The following PAPPA2 variants were observed in gnomAD, a reference collection of about 807,000 sequenced individuals.
The protein encoded by PAPPA2 is pappalysin 2, also known as pappalysin-2.
In PAPPA2, 86 loss-of-function variants were observed where a neutral mutation model predicts 176.4. That is an observed-to-expected ratio of 0.49 (90% CI 0.41 to 0.58). The LOEUF (loss-of-function observed/expected upper bound fraction) is 0.58. PAPPA2 is among the 20% of genes least tolerant of loss of function. The pLI, the probability that PAPPA2 is intolerant of heterozygous loss-of-function variation, is 0.00. For synonymous variants in PAPPA2, 809 were observed against 852.2 expected (o/e 0.95, Z 0.88); for missense variants, 2,073 against 2,256.9 (o/e 0.92, Z 1.65).
At chr1:176,625,022 T>A (rs1285002609) in intron 3 of PAPPA2, among the ~76,000 whole-genome samples, 1 of 152,148 alleles carries the variant, frequency 6.6e-6, no homozygotes, top group Non-Finnish European at 1.5e-5. Flanking sequence ...GGGGTCTACA[T>A]TGTGGGCGAT....
At chr1:176,614,272 T>A (rs1655088948) in intron 3 of PAPPA2, among the ~76,000 whole-genome samples, 1 of 152,182 alleles carries the variant, frequency 6.6e-6, no homozygotes, top group Non-Finnish European at 1.5e-5. Context: ...AAGTGTCAAA[T>A]GGAGATCAGA....
intron 3 of PAPPA2, among the ~76,000 whole-genome samples, chr1:176,667,733 C>G (rs1383780483): frequency 6.6e-6 from 1 of 152,104 alleles, no homozygotes; most frequent in Non-Finnish European, 1.5e-5. Context: ...TTTCTACATG[C>G]CAATTTTTGA....
chr1:176,843,153 G>C lies in PAPPA2; in HGVS notation c.*699G>C, dbSNP rs533046107. On this transcript the variant is annotated 3_prime_UTR_variant, in exon 23 of 23. Coordinates refer to ENST00000367662, the MANE Select transcript of PAPPA2 (RefSeq NM_020318.3). ...TATTTTCCCATCTTTCTATGGATGC[G>C]GATTGGCAGGTTGAATGGGAAGTAC... is the stretch of plus-strand genomic sequence containing the variant. 1 of 152,050 alleles carries C rather than the reference G, an allele frequency of 6.6e-6. No individual in the cohort carries two copies. The highest frequency in any genetic ancestry group is 1.5e-5 in the Non-Finnish European group (1 of 68,010). 9.4% of individuals were successfully genotyped at this position (152,050 alleles called of 1,614,324 possible).
chr1:176,506,001 G>T (rs1648240939), intron 1 of PAPPA2, among the ~76,000 whole-genome samples: 1 of 152,028 alleles, frequency 6.6e-6, no homozygotes, highest in African/African-American at 2.4e-5. Context: ...AGAACTTGGG[G>T]CATCTTGGAT....
chr1:176,755,707 G>C (rs1351197538), intron 14 of PAPPA2, among the ~76,000 whole-genome samples: 1 of 152,156 alleles, frequency 6.6e-6, no homozygotes, highest in East Asian at 1.9e-4. Context: ...AAAGCATTTA[G>C]AGTTGACGCT....
At chr1:176,628,343 A>C (rs1673070407) in intron 3 of PAPPA2, among the ~76,000 whole-genome samples, 1 of 152,206 alleles carries the variant, frequency 6.6e-6, no homozygotes, top group South Asian at 2.1e-4. Context: ...ACTGGGACAT[A>C]GTAGGCTCTC....
chr1:176,755,459 G>A (rs889332928), intron 14 of PAPPA2, among the ~76,000 whole-genome samples: 2 of 152,132 alleles, frequency 1.3e-5, no homozygotes, highest in African/African-American at 2.4e-5. Context: ...ACTTCATCAC[G>A]GGGCTGTATT....
At chr1:176,466,902 A>G (rs1327507536) in intron 1 of PAPPA2, among the ~76,000 whole-genome samples, 1 of 152,222 alleles carries the variant, frequency 6.6e-6, no homozygotes, top group Non-Finnish European at 1.5e-5. Flanking sequence ...TGTTAGGCTC[A>G]CCTGTTTTGC....
rs1340532870 is a variant in PAPPA2, at chr1:176,555,974, G to T, written c.-349G>T. 9.0e-6 allele frequency: 2 copies of T among 221,234 alleles called. No individual in the cohort carries two copies. Among genetic ancestry groups the T allele is most frequent in the Non-Finnish European group, 1.8e-5 (2 of 112,728 alleles). 13.7% of individuals were successfully genotyped at this position (221,234 alleles called of 1,614,324 possible). A position where few individuals can be genotyped will look rare whatever the true frequency, so the allele number is the denominator to read the frequency against. On this transcript the variant is annotated 5_prime_UTR_variant, in exon 2 of 23. Transcript: ENST00000367662. Reference sequence around the variant, plus strand: ...GAGGGATTACTGAAGAAGAAGGGGGGAAAAAAAAAGAAAGAAATCTGAGCT... The same window carrying T: ...GAGGGATTACTGAAGAAGAAGGGGGTAAAAAAAAAGAAAGAAATCTGAGCT...
chr1:176,465,231 T>A (rs1247380590), intron 1 of PAPPA2, among the ~76,000 whole-genome samples: 3 of 152,234 alleles, frequency 2.0e-5, no homozygotes, highest in Non-Finnish European at 4.4e-5. Context: ...TAAATCTTTG[T>A]CTGCTTCTTT....
chr1:176,550,755 C>T (rs1330140860), intron 1 of PAPPA2, among the ~76,000 whole-genome samples: 1 of 152,142 alleles, frequency 6.6e-6, no homozygotes, highest in Non-Finnish European at 1.5e-5. Context: ...CAAACAGTTC[C>T]ACAAGAAGAT....
chr1:176,841,070 T>A (rs574362425), intron 22 of PAPPA2, among the ~76,000 whole-genome samples: 1 of 152,200 alleles, frequency 6.6e-6, no homozygotes, highest in Non-Finnish European at 1.5e-5. Flanking sequence ...TCACCACTTA[T>A]GTGAATTAAC....
intron 17 of PAPPA2, among the ~76,000 whole-genome samples, chr1:176,772,775 G>A (rs918849939): frequency 1.3e-5 from 2 of 152,180 alleles, no homozygotes; most frequent in African/African-American, 4.8e-5. Context: ...GGCATGCACT[G>A]ATAGACAGTG....
chr1:176,472,443 G>T (rs1466968708), intron 1 of PAPPA2, among the ~76,000 whole-genome samples: 3 of 152,016 alleles, frequency 2.0e-5, no homozygotes, highest in Non-Finnish European at 2.9e-5. Context: ...GTCTTTAATA[G>T]CTTCTTTGCT....
intron 3 of PAPPA2, among the ~76,000 whole-genome samples, chr1:176,610,239 C>T (rs754919579): frequency 6.6e-6 from 1 of 151,810 alleles, no homozygotes; most frequent in Non-Finnish European, 1.5e-5. Flanking sequence ...ATGTCTATGT[C>T]TCCTATTCCA....
intron 3 of PAPPA2, among the ~76,000 whole-genome samples, chr1:176,607,773 G>T (rs979459237): frequency 6.6e-6 from 1 of 151,830 alleles, no homozygotes; most frequent in African/African-American, 2.4e-5. Context: ...CTTTCTTTAG[G>T]TTTGGCTAAC....
At chr1:176,624,522 T>G (rs1340170353) in intron 3 of PAPPA2, among the ~76,000 whole-genome samples, 1 of 152,150 alleles carries the variant, frequency 6.6e-6, no homozygotes, top group East Asian at 1.9e-4. Context: ...CTTAAGACCT[T>G]TCTTCATTTT....
chr1:176,557,277 G>T, intron 2 of PAPPA2, 36 bp downstream of exon 2: 1 of 1,522,612 alleles, frequency 6.6e-7, no homozygotes, highest in Non-Finnish European at 8.8e-7. Context: ...GAAATCCTGA[G>T]GGTATGGCTG....
At chr1:176,579,304 G>T (rs12144979) in intron 2 of PAPPA2, among the ~76,000 whole-genome samples, 1,702 of 152,290 alleles carry the variant, frequency 0.011, 11 homozygotes, top group Admixed American at 0.02. Flanking sequence ...GATTGAAGCC[G>T]CTTGTTTGGA....
Sources: allele counts gnomAD v4.1 joint callset (sites outside exome capture counted in the v4.1 genomes callset), GRCh38; gene constraint gnomAD v4.1.1; transcripts MANE v1.5; gene names NCBI Gene and HGNC (gene_info 2026-07-23, HGNC 2026-07-21).